Variants in SETD3 observed in about 807,000 individuals in gnomAD.
SETD3 encodes the protein actin-histidine N-methyltransferase.
A neutral mutation model predicts 63.0 loss-of-function variants in SETD3; 19 were observed. The observed-to-expected ratio is 0.30, with a 90% CI of 0.21 to 0.44. The LOEUF (loss-of-function observed/expected upper bound fraction) is 0.44. Among genes scored for constraint, SETD3 ranks in the 20% least tolerant of loss-of-function variants. The pLI is 1.00. For missense variants in SETD3, 587 were observed against 728.5 expected (o/e 0.81, Z 2.24); for synonymous variants, 286 against 264.1 (o/e 1.08, Z -0.80).
chr14:99,473,767 C>G (rs1285178602), intron 1 of SETD3, among the ~76,000 whole-genome samples: 1 of 152,162 alleles, frequency 6.6e-6, no homozygotes, highest in Non-Finnish European at 1.5e-5. Context: ...TTACTACATT[C>G]AGAATTAAAT....
intron 6 of SETD3, among the ~76,000 whole-genome samples, chr14:99,436,419 A>C (rs767198970): frequency 5.9e-5 from 9 of 152,174 alleles, no homozygotes; most frequent in Admixed American, 1.3e-4. Flanking sequence ...GTGTTAGGCA[A>C]GACAGGGTCA....
intron 9 of SETD3, among the ~76,000 whole-genome samples, chr14:99,405,728 G>C (rs1274246703): frequency 6.6e-6 from 1 of 152,124 alleles, no homozygotes; most frequent in Non-Finnish European, 1.5e-5. Context: ...ATTACTATAA[G>C]ACTGTATTTT....
chr14:99,405,383 T>C lies in SETD3; in HGVS notation c.925-12A>G. 6.2e-7 allele frequency: 1 copy of C among 1,606,936 alleles called. No individual in the cohort carries two copies. The highest frequency in any genetic ancestry group is 8.5e-7 in the Non-Finnish European group (1 of 1,177,476). On this transcript the variant is annotated splice_polypyrimidine_tract_variant and intron_variant, in intron 9 of 12. Coordinates refer to ENST00000331768, the MANE Select transcript of SETD3 (RefSeq NM_032233.3). ...TAAAAAATGTAAATCTGAGATGCAG[T>C]AAAGAAAAAAGAAAAGGGCATTAGA... is the stretch of plus-strand genomic sequence containing the variant.
At chr14:99,456,126 G>A (rs544999010) in intron 6 of SETD3, among the ~76,000 whole-genome samples, 1 of 152,150 alleles carries the variant, frequency 6.6e-6, no homozygotes, top group Non-Finnish European at 1.5e-5. Flanking sequence ...CTACACTCTA[G>A]CCTGGGTGAC....
At chr14:99,427,232 G>A (rs545426788) in intron 6 of SETD3, among the ~76,000 whole-genome samples, 11 of 152,304 alleles carry the variant, frequency 7.2e-5, no homozygotes, top group South Asian at 4.1e-4. Context: ...TTTGTATTAC[G>A]AAACAGACAA....
intron 6 of SETD3, among the ~76,000 whole-genome samples, chr14:99,431,038 A>C (rs1246788700): frequency 6.6e-6 from 1 of 152,072 alleles, no homozygotes; most frequent in Non-Finnish European, 1.5e-5. Context: ...AGTGGCCATC[A>C]CTCCTGTTTT....
At position 99,409,930 on chromosome 14, in the gene SETD3, C is replaced by T. The variant is rs561772825; in HGVS notation, c.849+3021G>A. Reference sequence around the variant, plus strand: ...CGATATAGCAATGAGCAAAACAGACCCTCCCCCAAAATCACCCTGCGTTCA... The same window carrying T: ...CGATATAGCAATGAGCAAAACAGACTCTCCCCCAAAATCACCCTGCGTTCA... On this transcript the variant is annotated intron_variant, in intron 8 of 12. Transcript: ENST00000331768. The T allele has an allele frequency of 4.5e-3, 1,563 of 350,568 alleles. 7 individuals carry two copies. The highest frequency in any genetic ancestry group is 5.7e-3 in the Non-Finnish European group (1,102 of 192,780). 21.7% of individuals were successfully genotyped at this position (350,568 alleles called of 1,614,324 possible).
intron 6 of SETD3, among the ~76,000 whole-genome samples, chr14:99,446,702 C>A (rs187456876): frequency 4.6e-4 from 70 of 152,212 alleles, no homozygotes; most frequent in African/African-American, 1.6e-3. Flanking sequence ...CCAAGGACCG[C>A]AGTCAGGTAA....
intron 6 of SETD3, among the ~76,000 whole-genome samples, chr14:99,434,847 C>T (rs867331977): frequency 9.9e-5 from 3 of 30,396 alleles, no homozygotes; most frequent in Admixed American, 5.8e-4. Flanking sequence ...AACTCTGCCT[C>T]AAAAAAAAAA....
intron 8 of SETD3, among the ~76,000 whole-genome samples, chr14:99,408,888 T>G (rs1891824704): frequency 6.6e-6 from 1 of 152,004 alleles, no homozygotes; most frequent in South Asian, 2.1e-4. Flanking sequence ...GAGGACTCTC[T>G]CAGAGCAGAG....
At chr14:99,481,594 G>T (rs1198890643), upstream of SETD3, 1 of 395,518 alleles carries the variant, frequency 2.5e-6, no homozygotes, top group African/African-American at 2.1e-5. Flanking sequence ...TCCGGATTCT[G>T]CCTCCCTCCG....
intron 11 of SETD3, 40 bp downstream of exon 11, chr14:99,404,185 A>G (rs1891552950): frequency 1.3e-6 from 2 of 1,538,346 alleles, no homozygotes; most frequent in East Asian, 4.5e-5. Flanking sequence ...TGATTTAAAA[A>G]GAAAAAAGTC....
In SETD3 at chr14:99,411,128, A is replaced by AAGAGTGC. The variant is rs147433339; in HGVS notation, c.849+1816_849+1822dup. Reference sequence around the variant, plus strand: ...TAATTACAATGGGAAACAGTTCAACAAGAGTGCAGAGTGCAGAATGTCAGG... The same window carrying AAGAGTGC: ...TAATTACAATGGGAAACAGTTCAACAAGAGTGCAGAGTGCAGAGTGCAGAATGTCAGG... On this transcript the variant is annotated intron_variant, in intron 8 of 12. Coordinates refer to ENST00000331768, the MANE Select transcript of SETD3 (RefSeq NM_032233.3). Among the ~76,000 whole-genome samples the AAGAGTGC allele has an allele frequency of 6.2e-3, 937 of 152,340 alleles. 15 individuals carry two copies. Among genetic ancestry groups the AAGAGTGC allele is most frequent in the African/African-American group, 0.021 (883 of 41,574 alleles).
chr14:99,477,266 T>C (rs1027204353), intron 1 of SETD3, among the ~76,000 whole-genome samples: 2 of 152,248 alleles, frequency 1.3e-5, no homozygotes, highest in African/African-American at 4.8e-5. Context: ...CATTCAAATT[T>C]ATCTCAGTCG....
At chr14:99,485,874 A>C (rs1452873445), upstream of SETD3, among the ~76,000 whole-genome samples, 1 of 152,174 alleles carries the variant, frequency 6.6e-6, no homozygotes, top group African/African-American at 2.4e-5. Context: ...AATGAATAAA[A>C]AAGAATAACC....
Position 99,406,543 on chromosome 14 carries a change from A to G in SETD3, c.897T>C (p.Ala299=). 2 of 1,614,224 alleles carry G rather than the reference A, an allele frequency of 1.2e-6. No homozygotes were observed. Among genetic ancestry groups the G allele is most frequent in the Non-Finnish European group, 1.7e-6 (2 of 1,180,044 alleles). The stretch of plus-strand genomic sequence containing the variant: ...GCTCTCCAGCCCGAAAATCCTGCAG[A>G]GCCACACACTCACAGCGGTCATCTT... The part of the protein sequence containing the change: ...NLEDDRCECV[A]LQDFRAGEQI... The change falls in exon 9 of 13, where the codon GCT becomes GCC. Residue 299 remains alanine (A), a synonymous_variant. Coordinates refer to ENST00000331768, the MANE Select transcript of SETD3 (RefSeq NM_032233.3).
upstream of SETD3, among the ~76,000 whole-genome samples, chr14:99,482,524 A>C (rs1472788156): frequency 6.6e-6 from 1 of 152,218 alleles, no homozygotes; most frequent in Non-Finnish European, 1.5e-5. Context: ...AATAATCTTG[A>C]CTATGAATAT....
chr14:99,458,038 C>T (rs933515462), intron 6 of SETD3, among the ~76,000 whole-genome samples: 5 of 152,132 alleles, frequency 3.3e-5, no homozygotes, highest in Non-Finnish European at 7.4e-5. Context: ...ATTTCAATAA[C>T]TCAGGAACAA....
chr14:99,408,674 C>T (rs1275468266), intron 8 of SETD3, among the ~76,000 whole-genome samples: 1 of 152,220 alleles, frequency 6.6e-6, no homozygotes, highest in African/African-American at 2.4e-5. Flanking sequence ...CACAGCAACC[C>T]GGACAGGCAA....
Sources: allele counts gnomAD v4.1 joint callset (sites outside exome capture counted in the v4.1 genomes callset), GRCh38; gene constraint gnomAD v4.1.1; transcripts MANE v1.5; gene names NCBI Gene and HGNC (gene_info 2026-07-23, HGNC 2026-07-21).